The following TANC2 variants were observed in gnomAD, a reference collection of about 807,000 sequenced individuals.
The protein encoded by TANC2 is protein TANC2.
A neutral mutation model predicts 210.5 loss-of-function variants in TANC2; 26 were observed. That is an observed-to-expected ratio of 0.12 (90% confidence interval 0.09 to 0.17). TANC2 has a LOEUF of 0.17. Ranked by LOEUF, TANC2 falls within the 10% of genes least tolerant of loss-of-function variation. The pLI is 1.00. For missense variants in TANC2, 2,129 were observed against 2,608.9 expected (o/e 0.82, Z 4.01); for synonymous variants, 931 against 967.1 (o/e 0.96, Z 0.69).
intron 11 of TANC2, among the ~76,000 whole-genome samples, chr17:63,335,507 G>A (rs1286717889): frequency 1.3e-5 from 2 of 151,954 alleles, no homozygotes; most frequent in African/African-American, 4.8e-5. Context: ...CAGCTACTCA[G>A]GAGGTTGAGA....
intron 3 of TANC2, among the ~76,000 whole-genome samples, chr17:63,085,166 C>A (rs1367325331): frequency 6.6e-6 from 1 of 152,162 alleles, no homozygotes; most frequent in South Asian, 2.1e-4. Flanking sequence ...TTGTTACATA[C>A]TCATCAGTCA....
At chr17:63,304,971 TG>T (rs1236534574) in intron 9 of TANC2, among the ~76,000 whole-genome samples, 1 of 152,234 alleles carries the variant, frequency 6.6e-6, no homozygotes, top group East Asian at 1.9e-4. Context: ...TAGAGATGGC[TG>T]CCGCCCATCC....
intron 19 of TANC2, among the ~76,000 whole-genome samples, chr17:63,404,301 C>G (rs531060220): frequency 6.6e-6 from 1 of 152,300 alleles, no homozygotes; most frequent in Non-Finnish European, 1.5e-5. Context: ...ACTCCTCTTT[C>G]TACTGTTGAA....
intron 7 of TANC2, among the ~76,000 whole-genome samples, chr17:63,202,843 G>T (rs2145812484): frequency 6.6e-6 from 1 of 152,076 alleles, no homozygotes; most frequent in South Asian, 2.1e-4. Flanking sequence ...ATGTGTCCTT[G>T]AATATTATAT....
intron 1 of TANC2, among the ~76,000 whole-genome samples, chr17:62,973,047 T>A (rs538066474): frequency 7.3e-4 from 111 of 151,180 alleles, no homozygotes; most frequent in African/African-American, 2.3e-3. Context: ...TTTTTTTTTT[T>A]ACACGGCGTC....
intron 2 of TANC2, among the ~76,000 whole-genome samples, chr17:63,065,126 A>G (rs1049097686): frequency 2.0e-5 from 3 of 152,186 alleles, no homozygotes; most frequent in Admixed American, 6.5e-5. Flanking sequence ...GGTTCCACAT[A>G]TAAGTGAGAC....
intron 3 of TANC2, among the ~76,000 whole-genome samples, chr17:63,077,471 A>G (rs1162282523): frequency 1.3e-5 from 2 of 152,170 alleles, no homozygotes; most frequent in East Asian, 1.9e-4. Flanking sequence ...AAAGAAGGGG[A>G]TAGAGGGCTA....
intron 3 of TANC2, among the ~76,000 whole-genome samples, chr17:63,091,812 A>G (rs1224726547): frequency 6.6e-6 from 1 of 152,098 alleles, no homozygotes; most frequent in Non-Finnish European, 1.5e-5. Context: ...CAGTATGGCC[A>G]TTTTCACAAT....
At chr17:63,394,521 T>G (rs2048093060) in intron 17 of TANC2, among the ~76,000 whole-genome samples, 1 of 152,238 alleles carries the variant, frequency 6.6e-6, no homozygotes, top group African/African-American at 2.4e-5. Flanking sequence ...ACTCAATGAC[T>G]TCACTGCCTA....
At chr17:63,059,518 T>C (rs12150024) in intron 2 of TANC2, among the ~76,000 whole-genome samples, 4,073 of 152,272 alleles carry the variant, frequency 0.027, 68 homozygotes, top group Non-Finnish European at 0.038. Context: ...CCATCTTTTG[T>C]GTCCCACTTA....
At chr17:63,283,437 C>T (rs1243027211) in intron 9 of TANC2, among the ~76,000 whole-genome samples, 1 of 151,352 alleles carries the variant, frequency 6.6e-6, no homozygotes, top group Non-Finnish European at 1.5e-5. Context: ...ATTCTAGATT[C>T]TTTGCATTTC....
At chr17:63,309,304 AC>A (rs2045036989) in intron 9 of TANC2, among the ~76,000 whole-genome samples, 1 of 152,202 alleles carries the variant, frequency 6.6e-6, no homozygotes. Flanking sequence ...TAAAAGTTGG[AC>A]ACATTTACAG....
At chr17:63,158,075 G>A (rs1209226584) in intron 5 of TANC2, among the ~76,000 whole-genome samples, 1 of 152,128 alleles carries the variant, frequency 6.6e-6, no homozygotes, top group African/African-American at 2.4e-5. Flanking sequence ...ATACTAAGTT[G>A]TGTTGTGTGT....
At chr17:63,416,923 T>G (rs1443169428) in intron 26 of TANC2, among the ~76,000 whole-genome samples, 1 of 152,220 alleles carries the variant, frequency 6.6e-6, no homozygotes, top group Non-Finnish European at 1.5e-5. Flanking sequence ...AGGCCTCCCC[T>G]GCACCAGCCG....
rs113828711 is a variant in TANC2, at chr17:63,394,997, C to T, written c.3052-746C>T. Among the ~76,000 whole-genome samples the T allele has an allele frequency of 1.7e-3, 252 of 152,330 alleles. 2 individuals carry two copies. Among genetic ancestry groups the T allele is most frequent in the Middle Eastern group, 3.4e-3 (1 of 294 alleles). On this transcript the variant is annotated intron_variant, in intron 17 of 27. Transcript: ENST00000689528. ...AAGCCAGAAACAGAACTTATATTTT[C>T]AACTGATCTAACTACCGCAGGACAA...
At chr17:63,263,523 T>A (rs909236528) in intron 8 of TANC2, among the ~76,000 whole-genome samples, 2 of 152,232 alleles carry the variant, frequency 1.3e-5, no homozygotes, top group Non-Finnish European at 2.9e-5. Context: ...TCACAGAATA[T>A]CACTTTGATT....
chr17:63,328,414 T>A (rs1253910827), intron 11 of TANC2, among the ~76,000 whole-genome samples: 1 of 150,962 alleles, frequency 6.6e-6, no homozygotes, highest in African/African-American at 2.4e-5. Context: ...GTGTATTCAT[T>A]GTGTGTGTGT....
chr17:63,021,412 T>G (rs1157669066), intron 2 of TANC2, among the ~76,000 whole-genome samples: 1 of 152,102 alleles, frequency 6.6e-6, no homozygotes, highest in Non-Finnish European at 1.5e-5. Flanking sequence ...TGCATTAGCT[T>G]TTGTGAGAGC....
intron 11 of TANC2, among the ~76,000 whole-genome samples, chr17:63,323,683 C>A (rs2045563772): frequency 6.6e-6 from 1 of 152,250 alleles, no homozygotes; most frequent in South Asian, 2.1e-4. Flanking sequence ...TATATCATTT[C>A]TTCATTTTTA....
Sources: gnomAD v4.1 joint callset for allele counts (sites outside exome capture counted in the v4.1 genomes callset) on GRCh38, gnomAD v4.1.1 for gene constraint, MANE v1.5 for transcripts, NCBI Gene and HGNC (gene_info 2026-07-23, HGNC 2026-07-21) for gene names.